The following MCF2L variants were observed in gnomAD, a reference collection of about 807,000 sequenced individuals.
MCF2L encodes guanine nucleotide exchange factor DBS.
MCF2L carries 97 observed loss-of-function variants against 153.4 expected under a neutral mutation model. The ratio of observed to expected loss-of-function variants is 0.63; its 90% confidence interval spans 0.54 to 0.75. The LOEUF (loss-of-function observed/expected upper bound fraction) is 0.75, where lower values mean the gene tolerates loss of function less well. MCF2L is among the 30% of genes least tolerant of loss of function. The pLI is 0.00. For missense variants in MCF2L, 1,347 were observed against 1,495.2 expected, an observed-to-expected ratio of 0.90 and a Z score of 1.64; for synonymous variants, 659 against 632.2, an observed-to-expected ratio of 1.04 and a Z score of -0.64.
In MCF2L at chr13:113,096,870, G is replaced by A. The variant is rs1156792514; in HGVS notation, c.*11G>A. ...GACCTGCAGGGGTAGCGCGGCCTCG[G>A]CGCCGGAGACCCGCGCGCTGTCTGG... is the stretch of plus-strand genomic sequence containing the variant. On this transcript the variant is annotated 3_prime_UTR_variant, in exon 30 of 30. Coordinates refer to ENST00000535094, the MANE Select transcript of MCF2L (RefSeq NM_001112732.3). 1 of 1,412,230 alleles carries A rather than the reference G, an allele frequency of 7.1e-7. No homozygotes were observed. Among genetic ancestry groups the A allele is most frequent in the Non-Finnish European group, 9.2e-7 (1 of 1,090,736 alleles). 87.5% of individuals were successfully genotyped at this position (1,412,230 alleles called of 1,614,324 possible).
chr13:113,024,568 A>C (rs1217158539), intron 2 of MCF2L, 76 bp from the exon 3 acceptor site: 1 of 870,124 alleles, frequency 1.1e-6, no homozygotes, highest in East Asian at 2.5e-5. Flanking sequence ...GGTGCTGATG[A>C]AAACGGGCCG....
Position 113,074,303 on chromosome 13 carries a change from C to A in MCF2L, c.997-141C>A. The A allele has an allele frequency of 9.3e-7, 1 of 1,079,518 alleles. No individual in the cohort carries two copies. Among genetic ancestry groups the A allele is most frequent in the Non-Finnish European group, 1.4e-6 (1 of 735,052 alleles). The allele number at this position is 1,079,518 out of a possible 1,614,324, so 66.9% of individuals were successfully genotyped here. A position where few individuals can be genotyped will look rare whatever the true frequency, so the allele number is the denominator to read the frequency against. ...CACTCGGGGCCGACTTTGCACCTGT[C>A]TGACTGTGGTCCCTGCTTGATTGAT... is the stretch of plus-strand genomic sequence containing the variant. On this transcript the variant is annotated intron_variant, in intron 9 of 29. Transcript: ENST00000535094. The surrounding 1 kb of genome is among the most constrained non-coding windows in gnomAD (Gnocchi z 4.2).
At chr13:112,988,385 G>C (rs931841166) in intron 1 of MCF2L, among the ~76,000 whole-genome samples, 39 of 152,346 alleles carry the variant, frequency 2.6e-4, no homozygotes, top group Admixed American at 2.5e-3. Context: ...TGGGGAGCAG[G>C]GCCCGGGCAC....
At chr13:113,080,418 C>G (rs1017152985) in intron 15 of MCF2L, among the ~76,000 whole-genome samples, 6 of 152,210 alleles carry the variant, frequency 3.9e-5, no homozygotes, top group Non-Finnish European at 7.3e-5. Flanking sequence ...GTCCAGAGCC[C>G]TCTTGCTCCC....
In MCF2L at chr13:113,089,956, C is replaced by T; in HGVS notation, c.2953+228C>T. On this transcript the variant is annotated intron_variant, in intron 26 of 29. Transcript: ENST00000535094. ...CAGCAAGGCCAGCCCCAGAAGGAGC[C>T]TCGGCCGAGCGTGCAACCCGGAGCC... The T allele has an allele frequency of 2.5e-6, 4 of 1,596,758 alleles. No individual in the cohort carries two copies. In the South Asian group the frequency reaches 4.4e-5, roughly 18 times the overall value.
rs911993702 is a variant in MCF2L, at chr13:113,035,560, C to T, written c.279-9711C>T. On this transcript the variant is annotated intron_variant, in intron 3 of 29. Transcript: ENST00000535094. This position sits in a 1 kb window ranked among gnomAD's most constrained non-coding sequence, Gnocchi z 4.4. ...CCTCTGGCCCCCTCCCTGGCTCCTT[C>T]GCCTGCTGCCTTTTTCTTCCATGAG... Among the ~76,000 whole-genome samples, 3 of 152,316 alleles carry T rather than the reference C, an allele frequency of 2.0e-5. No individual in the cohort carries two copies. Among genetic ancestry groups the T allele is most frequent in the Middle Eastern group, 3.4e-3 (1 of 294 alleles).
rs182207449 is a variant in MCF2L, at chr13:112,920,749, G to A, written c.169+18378G>A. On this transcript the variant is annotated intron_variant, in intron 2 of 29. Coordinates refer to the MCF2L transcript ENST00000375608. ...GGGGGCTTGCAGGGAGGACCCGACCGAGCTCTTCCAGGTGGACAGGATTCA... is the reference window on the plus strand; with the variant it reads ...GGGGGCTTGCAGGGAGGACCCGACCAAGCTCTTCCAGGTGGACAGGATTCA... Among the ~76,000 whole-genome samples the A allele has an allele frequency of 6.1e-3, 932 of 151,774 alleles. 10 individuals are homozygous for A. Among genetic ancestry groups the A allele is most frequent in the African/African-American group, 0.022 (889 of 41,316 alleles).
At chr13:113,029,740 T>C (rs2085531660) in intron 3 of MCF2L, among the ~76,000 whole-genome samples, 1 of 152,160 alleles carries the variant, frequency 6.6e-6, no homozygotes, top group South Asian at 2.1e-4. Flanking sequence ...GAGGGGAGCT[T>C]GGACCTTTTC....
intron 2 of MCF2L, among the ~76,000 whole-genome samples, chr13:112,925,931 A>G (rs1348838980): frequency 6.6e-6 from 1 of 152,266 alleles, no homozygotes; most frequent in African/African-American, 2.4e-5. Context: ...GCAATTATCA[A>G]AATGAAAGGT....
intron 2 of MCF2L, among the ~76,000 whole-genome samples, chr13:112,910,978 G>A (rs987855969): frequency 8.3e-6 from 1 of 121,148 alleles, no homozygotes; most frequent in Admixed American, 1.1e-4. Context: ...AGGCCAGGGG[G>A]CCCAGCACTT....
chr13:113,004,605 A>G (rs2083569485), intron 1 of MCF2L, among the ~76,000 whole-genome samples: 1 of 152,204 alleles, frequency 6.6e-6, no homozygotes, highest in South Asian at 2.1e-4. Flanking sequence ...TGATCCCACA[A>G]GGAAGCCTTG....
chr13:112,999,574 T>G (rs1007275137), intron 1 of MCF2L, among the ~76,000 whole-genome samples: 6 of 152,194 alleles, frequency 3.9e-5, no homozygotes, highest in African/African-American at 1.4e-4. Context: ...CAGCCCTCCG[T>G]GTCCTCCAGT....
rs948590735 is a variant in MCF2L, at chr13:113,098,103, T to G, written c.*1244T>G. Reference sequence around the variant, plus strand: ...TGACCATGTGTGTACATATGTGTCTTGCTGGAAAGGACATATTCGCTGTCC... The same window carrying G: ...TGACCATGTGTGTACATATGTGTCTGGCTGGAAAGGACATATTCGCTGTCC... On this transcript the variant is annotated 3_prime_UTR_variant, in exon 30 of 30. Transcript: ENST00000535094. 6.6e-5 allele frequency: 10 copies of G among 152,494 alleles called. No homozygotes were observed. Among genetic ancestry groups the G allele is most frequent in the Admixed American group, 4.6e-4 (7 of 15,290 alleles). 9.4% of individuals were successfully genotyped at this position (152,494 alleles called of 1,614,324 possible). A position where few individuals can be genotyped will look rare whatever the true frequency, so the allele number is the denominator to read the frequency against.
At chr13:113,076,181 T>A (rs2033456336) in intron 12 of MCF2L, 24 bp downstream of exon 12, 1 of 1,592,656 alleles carries the variant, frequency 6.3e-7, no homozygotes, top group South Asian at 1.1e-5. Context: ...GGGCTCTCCA[T>A]TTGCAGCTTG....
chr13:112,959,769 C>T (rs963582166), intron 2 of MCF2L, among the ~76,000 whole-genome samples: 4 of 152,226 alleles, frequency 2.6e-5, no homozygotes, highest in South Asian at 2.1e-4. Context: ...TACACACCCA[C>T]GACAACCAAG....
rs1481796470 is a variant in MCF2L at position 112,943,954 on chromosome 13, G to A, written c.169+41583G>A. ...GAGCTGAGCCCTGCGGGCCAGGGGC[G>A]CAGAGAGGGTCCCGGGCCGTGAGGG... On this transcript the variant is annotated intron_variant, in intron 2 of 29. Coordinates refer to the MCF2L transcript ENST00000375608. This position sits in a 1 kb window ranked among gnomAD's most constrained non-coding sequence, Gnocchi z 4.2. Among the ~76,000 whole-genome samples, 2 of 151,876 alleles carry A rather than the reference G, an allele frequency of 1.3e-5. No homozygotes were observed. Among genetic ancestry groups the A allele is most frequent in the Non-Finnish European group, 2.9e-5 (2 of 67,966 alleles).
At chr13:113,024,595 C>A in intron 2 of MCF2L, 49 bp from the exon 3 acceptor site, 1 of 1,284,218 alleles carries the variant, frequency 7.8e-7, no homozygotes, top group Non-Finnish European at 1.1e-6. Context: ...GTGGAACCCC[C>A]GGGGGCATGG....
chr13:112,935,805 A>T (rs1244289424), intron 2 of MCF2L, among the ~76,000 whole-genome samples: 1 of 152,224 alleles, frequency 6.6e-6, no homozygotes. Context: ...GCCTAGGCCA[A>T]TATGACTAGT....
chr13:113,080,428 C>T (rs2034011975), intron 15 of MCF2L, among the ~76,000 whole-genome samples: 1 of 152,194 alleles, frequency 6.6e-6, no homozygotes, highest in African/African-American at 2.4e-5. Context: ...CTCTTGCTCC[C>T]CAGTCCTCTC....
Sources: gnomAD v4.1 joint callset for allele counts (sites outside exome capture counted in the v4.1 genomes callset) on GRCh38, gnomAD v4.1.1 for gene constraint, Gnocchi (gnomAD v3.1) non-coding constraint, MANE v1.5 for transcripts, NCBI Gene and HGNC (gene_info 2026-07-23, HGNC 2026-07-21) for gene names.